Variants in PCYT1A observed in about 807,000 individuals in gnomAD.
PCYT1A encodes the protein choline-phosphate cytidylyltransferase A.
In PCYT1A, 25 loss-of-function variants were observed where a neutral mutation model predicts 43.7. The observed-to-expected ratio is 0.57, with a 90% CI of 0.42 to 0.80. The LOEUF is 0.80. Ranked by LOEUF, PCYT1A falls within the 30% of genes least tolerant of loss-of-function variation. PCYT1A has a pLI of 0.00. For missense variants in PCYT1A, 421 were observed against 474.2 expected (o/e 0.89, Z 1.04); for synonymous variants, 172 against 170.7 (o/e 1.01, Z -0.06).
At chr3:196,259,501 C>T (rs142615072) in intron 2 of PCYT1A, among the ~76,000 whole-genome samples, 1 of 151,906 alleles carries the variant, frequency 6.6e-6, no homozygotes, top group East Asian at 1.9e-4. Flanking sequence ...TGTAGATTTT[C>T]AAAATTGTTT....
chr3:196,256,471 C>G (rs1001229394), intron 3 of PCYT1A, among the ~76,000 whole-genome samples: 1 of 152,106 alleles, frequency 6.6e-6, no homozygotes, highest in Non-Finnish European at 1.5e-5. Context: ...GCCTGGGCAA[C>G]AGAGTGAGAC....
At chr3:196,263,039 C>T (rs1461898322) in intron 2 of PCYT1A, among the ~76,000 whole-genome samples, 2 of 152,126 alleles carry the variant, frequency 1.3e-5, no homozygotes, top group African/African-American at 2.4e-5. Context: ...ATGATCCACC[C>T]GCCTCGGCCT....
chr3:196,238,929 C>A (rs752579502), intron 8 of PCYT1A, 35 bp from the exon 9 acceptor site: 2 of 1,280,108 alleles, frequency 1.6e-6, no homozygotes, highest in Non-Finnish European at 2.1e-6. Flanking sequence ...AGAAAAACAC[C>A]GTGGATCCTA....
chr3:196,264,089 C>T (rs1725199178), intron 2 of PCYT1A, among the ~76,000 whole-genome samples: 1 of 152,142 alleles, frequency 6.6e-6, no homozygotes, highest in African/African-American at 2.4e-5. Flanking sequence ...TCTTTGTCTT[C>T]CTCCTAAACC....
intron 7 of PCYT1A, chr3:196,241,395 C>T (rs1211789735): frequency 1.9e-6 from 1 of 539,576 alleles, no homozygotes. Flanking sequence ...TATGTTGCCC[C>T]CAGACTGGTC....
chr3:196,265,950 A>G (rs79597869), intron 2 of PCYT1A, among the ~76,000 whole-genome samples: 75,479 of 149,456 alleles, frequency 0.51, 19,493 homozygotes, highest in East Asian at 0.88. Context: ...TGTTGGCCAG[A>G]CTGGTCTCGA....
intron 3 of PCYT1A, among the ~76,000 whole-genome samples, chr3:196,248,582 G>T (rs1036139280): frequency 1.2e-4 from 18 of 151,940 alleles, no homozygotes; most frequent in African/African-American, 4.1e-4. Context: ...TTGTTGGCCA[G>T]GCTGGTCTCG....
At chr3:196,286,031 C>A (rs529530136) in intron 1 of PCYT1A, among the ~76,000 whole-genome samples, 1 of 151,540 alleles carries the variant, frequency 6.6e-6, no homozygotes, top group East Asian at 1.9e-4. Flanking sequence ...ATCCTCACTG[C>A]CTCTATAAAT....
chr3:196,258,648 C>T lies in PCYT1A; in HGVS notation c.118-761G>A, dbSNP rs553618646. On this transcript the variant is annotated intron_variant, in intron 2 of 8. Transcript: ENST00000431016. ...TGTTGCCCAGGCTGGAGTGCACTGG[C>T]GCCATTTCAGCTCACTGCAACCTCC... Among the ~76,000 whole-genome samples, 69 of 151,126 alleles carry T rather than the reference C, an allele frequency of 4.6e-4. 1 individual carries two copies. The highest frequency in any genetic ancestry group is 6.3e-4 in the Non-Finnish European group (43 of 67,894).
chr3:196,253,688 T>G (rs1333760236), intron 3 of PCYT1A, among the ~76,000 whole-genome samples: 1 of 152,124 alleles, frequency 6.6e-6, no homozygotes, highest in African/African-American at 2.4e-5. Flanking sequence ...CTCCAGTGCT[T>G]CCCCAGCCTA....
Position 196,247,644 on chromosome 3 carries a change from C to T in PCYT1A, c.335-126G>A, listed in dbSNP as rs2108766251. The T allele has an allele frequency of 2.1e-6, 2 of 934,166 alleles. No homozygotes were observed. The highest frequency in any genetic ancestry group is 5.1e-5 in the East Asian group (2 of 39,516). 57.9% of individuals were successfully genotyped at this position (934,166 alleles called of 1,614,324 possible). ...CCATCTTCCCCAACTGGAAAAAAGT[C>T]TTCTAAAGGTGGTTGAACCTGGGTG... On this transcript the variant is annotated intron_variant, in intron 4 of 8. Transcript: ENST00000431016. This position sits in a 1 kb window ranked among gnomAD's most constrained non-coding sequence, Gnocchi z 4.8.
At chr3:196,260,325 C>T (rs1264217179) in intron 2 of PCYT1A, among the ~76,000 whole-genome samples, 2 of 152,158 alleles carry the variant, frequency 1.3e-5, no homozygotes, top group African/African-American at 4.8e-5. Flanking sequence ...GGAAATACTA[C>T]TTCATATCAA....
chr3:196,239,824 A>G (rs1039560765), intron 7 of PCYT1A, 89 bp from the exon 8 acceptor site: 2 of 815,366 alleles, frequency 2.5e-6, no homozygotes, highest in African/African-American at 3.4e-5. Flanking sequence ...TCAAGCACTC[A>G]ATTGACACTG....
At position 196,235,610 on chromosome 3, in the gene PCYT1A, AGT is replaced by A. The variant is rs1323102958; in HGVS notation, c.*3076_*3077del. 6.6e-6 allele frequency: 1 copy of A among 152,328 alleles called. No individual in the cohort carries two copies. Among genetic ancestry groups the A allele is most frequent in the Non-Finnish European group, 1.5e-5 (1 of 68,120 alleles). 9.4% of individuals were successfully genotyped at this position (152,328 alleles called of 1,614,324 possible). On this transcript the variant is annotated 3_prime_UTR_variant, in exon 9 of 9. Transcript: ENST00000431016. This position sits in a 1 kb window ranked among gnomAD's most constrained non-coding sequence, Gnocchi z 4.3. ...CTTTCCGTCCGGCCCACCGGAAGGC[AGT>A]GGCTGCGCCGGCACCTCCCCGGCTC...
intron 2 of PCYT1A, among the ~76,000 whole-genome samples, chr3:196,265,112 G>T (rs536689052): frequency 2.9e-3 from 435 of 151,938 alleles, no homozygotes; most frequent in Middle Eastern, 3.4e-3. Flanking sequence ...TGCCCAGGCT[G>T]GAGTGCAGTG....
intron 7 of PCYT1A, among the ~76,000 whole-genome samples, chr3:196,241,144 A>C (rs1018811490): frequency 1.4e-5 from 2 of 147,430 alleles, no homozygotes; most frequent in South Asian, 2.2e-4. Context: ...AAAAAAAAAA[A>C]AAAAAAAAAA....
chr3:196,246,971 T>C (rs1259613324), intron 5 of PCYT1A, among the ~76,000 whole-genome samples: 1 of 151,704 alleles, frequency 6.6e-6, no homozygotes, highest in African/African-American at 2.4e-5. Flanking sequence ...CTGCCAGTGG[T>C]GTAACTTGTG....
intron 2 of PCYT1A, 48 bp downstream of exon 2, chr3:196,270,367 T>C (rs749450812): frequency 1.9e-6 from 2 of 1,064,182 alleles, no homozygotes; most frequent in Non-Finnish European, 2.9e-6. Flanking sequence ...ATATCATCAA[T>C]GTCATATCGG....
Position 196,260,133 on chromosome 3 carries a change from G to C in PCYT1A, c.118-2246C>G, listed in dbSNP as rs528794928. Among the ~76,000 whole-genome samples, 4 of 151,742 alleles carry C rather than the reference G, an allele frequency of 2.6e-5. No homozygotes were observed. The East Asian group carries it at 7.9e-4, about 30-fold the overall frequency. On this transcript the variant is annotated intron_variant, in intron 2 of 8. Coordinates refer to ENST00000431016, the MANE Select transcript of PCYT1A (RefSeq NM_001312673.2). The stretch of plus-strand genomic sequence containing the variant: ...AGACAGGGTTTCACCATGTCGGCCA[G>C]GCTGGTCTTGAACTCCTGGCCTCAA...
Sources: allele counts gnomAD v4.1 joint callset (sites outside exome capture counted in the v4.1 genomes callset), GRCh38; gene constraint gnomAD v4.1.1; non-coding constraint Gnocchi (gnomAD v3.1); transcripts MANE v1.5; gene names NCBI Gene and HGNC (gene_info 2026-07-23, HGNC 2026-07-21).